Variants in DST observed in about 807,000 individuals in gnomAD.
The protein encoded by DST is dystonin, also known as bullous pemphigoid antigen.
Under a neutral mutation model 875.2 loss-of-function variants are expected in DST, and 253 were observed. That is an observed-to-expected ratio of 0.29 (90% CI 0.26 to 0.32). The LOEUF is 0.32. Ranked by LOEUF, DST falls within the 10% of genes least tolerant of loss-of-function variation. The probability of loss-of-function intolerance (pLI) is 1.00; values close to 1 mark genes in which losing one functional copy is unlikely to be tolerated. For missense variants in DST, 8,287 were observed against 9,111.6 expected, an observed-to-expected ratio of 0.91 and a Z score of 3.68; for synonymous variants, 3,124 against 3,197.1, an observed-to-expected ratio of 0.98 and a Z score of 0.77.
At chr6:56,791,800 AAAAG>A (rs1330618895) in intron 4 of DST, among the ~76,000 whole-genome samples, 9 of 151,944 alleles carry the variant, frequency 5.9e-5, no homozygotes, top group Admixed American at 2.6e-4. Context: ...AAAAAAAAAA[AAAAG>A]AAAGAAAGAA....
chr6:56,742,753 C>T (rs1563965654), intron 4 of DST, among the ~76,000 whole-genome samples: 2 of 152,148 alleles, frequency 1.3e-5, no homozygotes, highest in African/African-American at 2.4e-5. Context: ...TAAAAAAAAT[C>T]CAGCCTAACT....
intron 4 of DST, among the ~76,000 whole-genome samples, chr6:56,771,151 C>T (rs1037933760): frequency 3.3e-5 from 5 of 150,680 alleles, no homozygotes; most frequent in African/African-American, 1.2e-4. Flanking sequence ...AATAATTTAT[C>T]TTAAAAAAAA....
In DST at chr6:56,618,349, C is replaced by T. The variant is rs186454978; in HGVS notation, c.4930-3865G>A. ...GAAGGTGTCCAGTGTTTCTAGAGGA[C>T]AGCTCTCCAGAGTGCTGGCACTCCT... is the stretch of plus-strand genomic sequence containing the variant. On this transcript the variant is annotated intron_variant, in intron 36 of 103. Coordinates refer to ENST00000680361, the MANE Select transcript of DST (RefSeq NM_001374736.1). The T allele has an allele frequency of 6.2e-7, 1 of 1,614,156 alleles. No homozygotes were observed. Among genetic ancestry groups the T allele is most frequent in the East Asian group, 2.2e-5 (1 of 44,880 alleles).
At chr6:56,693,692 T>C (rs931961557) in intron 9 of DST, among the ~76,000 whole-genome samples, 3 of 152,084 alleles carry the variant, frequency 2.0e-5, no homozygotes, top group African/African-American at 7.2e-5. Context: ...CATATATTTT[T>C]TTTTCTTAAG....
Position 56,642,357 on chromosome 6 carries a change from A to G in DST, c.1872+53T>C, listed in dbSNP as rs2098915395. ...TTATGTAAAAGTTTTAGTTCATCCAAACGCACAGTGACTCCTCTACCACAA... is the reference window on the plus strand; with the variant it reads ...TTATGTAAAAGTTTTAGTTCATCCAGACGCACAGTGACTCCTCTACCACAA... On this transcript the variant is annotated intron_variant, in intron 16 of 103. Transcript: ENST00000680361. 2.3e-6 allele frequency: 3 copies of G among 1,289,402 alleles called. No individual in the cohort carries two copies. In the African/African-American group the frequency reaches 4.4e-5, roughly 19 times the overall value. 79.9% of individuals were successfully genotyped at this position (1,289,402 alleles called of 1,614,324 possible).
At chr6:56,522,492 T>C (rs1372402957) in intron 69 of DST, among the ~76,000 whole-genome samples, 3 of 152,180 alleles carry the variant, frequency 2.0e-5, no homozygotes, top group Non-Finnish European at 2.9e-5. Context: ...TTGATTAGCA[T>C]TTCCTTCCAC....
chr6:56,841,698 G>A (rs1237174210), intron 4 of DST, among the ~76,000 whole-genome samples: 1 of 152,088 alleles, frequency 6.6e-6, no homozygotes, highest in East Asian at 1.9e-4. Context: ...ACTGTATAGA[G>A]CACAGATGTA....
intron 5 of DST, among the ~76,000 whole-genome samples, chr6:56,718,021 A>G (rs60498201): frequency 0.24 from 35,893 of 152,108 alleles, 5,500 homozygotes; most frequent in African/African-American, 0.43. Flanking sequence ...TTAGGTGGGA[A>G]AATTGTTTGA....
chr6:56,673,390 T>C (rs1054810247), intron 9 of DST, among the ~76,000 whole-genome samples: 1 of 152,224 alleles, frequency 6.6e-6, no homozygotes, highest in African/African-American at 2.4e-5. Flanking sequence ...CTAGATAGTA[T>C]GTATAATGAC....
intron 4 of DST, among the ~76,000 whole-genome samples, chr6:56,749,644 A>AT: frequency 6.6e-6 from 1 of 152,212 alleles, no homozygotes; most frequent in East Asian, 1.9e-4. Flanking sequence ...GTTTAAGAGT[A>AT]TTTTTTCAGG....
intron 50 of DST, among the ~76,000 whole-genome samples, chr6:56,576,079 T>A (rs1287702817): frequency 6.6e-6 from 1 of 152,134 alleles, no homozygotes; most frequent in African/African-American, 2.4e-5. Context: ...TGGCCAATGA[T>A]GTAATCAATC....
At chr6:56,812,109 A>AAAGAAAAGAAAAGAAAAGAAAAGAAAAG (rs2099760826) in intron 4 of DST, among the ~76,000 whole-genome samples, 1 of 111,802 alleles carries the variant, frequency 8.9e-6, no homozygotes, top group Non-Finnish European at 1.8e-5. Flanking sequence ...CTCAAAAAAA[A>AAAGAAAAGAAAAGAAAAGAAAAGAAAAG]AAAAGAAAAG....
rs1167447259 is a variant in DST at position 56,704,283 on chromosome 6, G to A, written c.774C>T (p.Thr258=). ...ISLLEVLSGD[T]LPRERDFLKT... is the part of the protein sequence containing the mutation. Reference sequence around the variant, plus strand: ...AAATAAGAAAGTTAAAACTTACCAAGGTATCTCCTGAAAGAACCTCTAAAA... The same window carrying A: ...AAATAAGAAAGTTAAAACTTACCAAAGTATCTCCTGAAAGAACCTCTAAAA... The change falls in exon 6 of 104, where the codon ACC becomes ACT. Residue 258 remains threonine (T), a synonymous_variant. Transcript: ENST00000680361. 2 of 1,479,644 alleles carry A rather than the reference G, an allele frequency of 1.4e-6. No homozygotes were observed. Among genetic ancestry groups the A allele is most frequent in the Non-Finnish European group, 1.8e-6 (2 of 1,083,232 alleles). The allele number at this position is 1,479,644 out of a possible 1,614,324, so 91.7% of individuals were successfully genotyped here.
chr6:56,929,226 T>C (rs1360414289), intron 2 of DST, among the ~76,000 whole-genome samples: 1 of 152,172 alleles, frequency 6.6e-6, no homozygotes, highest in South Asian at 2.1e-4. Context: ...TGGGAATTTA[T>C]CCCACAGATA....
At chr6:56,531,713 G>C (rs138977437) in intron 64 of DST, among the ~76,000 whole-genome samples, 11 of 152,020 alleles carry the variant, frequency 7.2e-5, no homozygotes, top group Non-Finnish European at 1.5e-4. Context: ...AGTCAATGGC[G>C]GCATCAATGC....
At chr6:56,843,391 G>A (rs1317840672) in intron 4 of DST, 1 of 1,140,204 alleles carries the variant, frequency 8.8e-7, no homozygotes, top group Non-Finnish European at 1.1e-6. Context: ...CCGGGAGCCC[G>A]AGTCCCTCTC....
In DST at chr6:56,640,387, C is replaced by A; in HGVS notation, c.2246G>T (p.Gly749Val). The A allele has an allele frequency of 6.2e-7, 1 of 1,614,026 alleles. No homozygotes were observed. Among genetic ancestry groups the A allele is most frequent in the Non-Finnish European group, 8.5e-7 (1 of 1,179,986 alleles). Residue 749 changes from glycine to valine, a missense_variant, in exon 18 of 104, where the codon GGC (glycine) becomes GTC (valine). Gly to Val is a moderately radical substitution (Grantham distance 109, BLOSUM62 -3). Transcript: ENST00000680361. ...GCGGGAAGTCATCCCTGATGACAGG[C>A]CAGAAGTCATACTAGAAGAGGTTAG... is the stretch of plus-strand genomic sequence containing the variant. ...PSLTSSSMTSGLSSGMTSRLT... is the reference protein window; with the variant it reads ...PSLTSSSMTSVLSSGMTSRLT...
At chr6:56,497,710 T>C in intron 81 of DST, 146 bp downstream of exon 81, 1 of 951,834 alleles carries the variant, frequency 1.1e-6, no homozygotes, top group Non-Finnish European at 1.5e-6. Flanking sequence ...TGTTCTCTTC[T>C]GCTGTTCTGT....
chr6:56,864,856 C>T (rs751974966), intron 3 of DST, among the ~76,000 whole-genome samples: 20 of 152,052 alleles, frequency 1.3e-4, no homozygotes, highest in Non-Finnish European at 2.9e-5. Context: ...AAATATCTAC[C>T]TCCCTTCACA....
Sources: gnomAD v4.1 joint callset for allele counts (sites outside exome capture counted in the v4.1 genomes callset) on GRCh38, gnomAD v4.1.1 for gene constraint, MANE v1.5 for transcripts, NCBI Gene and HGNC (gene_info 2026-07-23, HGNC 2026-07-21) for gene names.